PHEX: variants seen among roughly 807,000 people sequenced by gnomAD.
PHEX encodes phosphate-regulating neutral endopeptidase PHEX.
In PHEX, 16 loss-of-function variants were observed where a neutral mutation model predicts 68.0. The ratio of observed to expected loss-of-function variants is 0.24; its 90% CI spans 0.16 to 0.36. The LOEUF is 0.36. Ranked by LOEUF, PHEX falls within the 10% of genes least tolerant of loss-of-function variation. The pLI is 1.00. For synonymous variants in PHEX, 208 were observed against 205.1 expected (o/e 1.01, Z -0.12); for missense variants, 480 against 575.5 (o/e 0.83, Z 1.70).
At chrX:22,226,082 G>A (rs1935484638) in intron 18 of PHEX, among the ~76,000 whole-genome samples, 1 of 112,194 alleles carries the variant, frequency 8.9e-6, no homozygotes, top group African/African-American at 3.2e-5. Flanking sequence ...CTCAAATTAT[G>A]TGAGTTAATC....
intron 9 of PHEX, 30 bp from the exon 10 acceptor site, chrX:22,111,437 C>T (rs1341569422): frequency 3.7e-6 from 4 of 1,085,912 alleles, no homozygotes; most frequent in Admixed American, 2.2e-5. Flanking sequence ...ACCTAAAATA[C>T]AATAAATGGG....
intron 16 of PHEX, among the ~76,000 whole-genome samples, chrX:22,213,381 G>A (rs548669082): frequency 1.1e-4 from 12 of 111,796 alleles, no homozygotes; most frequent in African/African-American, 3.6e-4. Flanking sequence ...AGGAAGTAGT[G>A]GAAAAGAAGA....
At chrX:22,236,819 A>G (rs1281842214) in intron 20 of PHEX, among the ~76,000 whole-genome samples, 2 of 112,429 alleles carry the variant, frequency 1.8e-5, no homozygotes, top group Non-Finnish European at 3.8e-5. Flanking sequence ...TACTATTTAC[A>G]TCCTAGCCCA....
intron 16 of PHEX, among the ~76,000 whole-genome samples, chrX:22,216,800 G>A (rs1384329490): frequency 7.2e-5 from 8 of 111,126 alleles, no homozygotes; most frequent in Admixed American, 9.6e-5. Context: ...GATTACAGGC[G>A]TGAGCCACCA....
At chrX:22,071,458 T>G (rs780548216) in intron 3 of PHEX, among the ~76,000 whole-genome samples, 3 of 111,719 alleles carry the variant, frequency 2.7e-5, no homozygotes, top group African/African-American at 9.7e-5. Context: ...TCTCAGACTT[T>G]CCTTGTCAGG....
intron 15 of PHEX, among the ~76,000 whole-genome samples, chrX:22,204,356 CA>C (rs1934644976): frequency 1.8e-5 from 2 of 112,206 alleles, no homozygotes; most frequent in African/African-American, 6.5e-5. Flanking sequence ...AACTCCCTCT[CA>C]AAACACTTCT....
At chrX:22,083,611 A>G (rs1929490674) in intron 5 of PHEX, among the ~76,000 whole-genome samples, 1 of 111,781 alleles carries the variant, frequency 8.9e-6, no homozygotes, top group South Asian at 3.7e-4. Context: ...GGTGTTTTAT[A>G]TTGTAAATGA....
At chrX:22,243,724 A>T (rs1453772255) in intron 20 of PHEX, among the ~76,000 whole-genome samples, 1 of 112,366 alleles carries the variant, frequency 8.9e-6, no homozygotes, top group Admixed American at 9.4e-5. Context: ...AATCAAAACC[A>T]CTATGAGATA....
chrX:22,085,523 T>G (rs1929589566), intron 5 of PHEX, among the ~76,000 whole-genome samples: 1 of 104,658 alleles, frequency 9.6e-6, no homozygotes, highest in Non-Finnish European at 1.9e-5. Flanking sequence ...TGCAGTGAGC[T>G]GAGATCATGC....
chrX:22,221,834 G>A lies in PHEX; in HGVS notation c.1899+91G>A, dbSNP rs141574844. The A allele has an allele frequency of 4.5e-3, 3,646 of 803,395 alleles. 87 individuals are homozygous for A. The African/African-American group carries it at 0.064, about 14-fold the overall frequency. The allele number at this position is 803,395 out of a possible 1,213,427, so 66.2% of individuals were successfully genotyped here. A position where few individuals can be genotyped will look rare whatever the true frequency, so the allele number is the denominator to read the frequency against. On this transcript the variant is annotated intron_variant, in intron 18 of 21. Coordinates refer to ENST00000379374, the MANE Select transcript of PHEX (RefSeq NM_000444.6). ...GCTTTAAACCATTGGTTCTCAAAGC[G>A]TGTTTACAAGATCAACAGCATCTGT...
At chrX:22,198,728 G>A (rs1008013504) in intron 15 of PHEX, among the ~76,000 whole-genome samples, 13 of 111,646 alleles carry the variant, frequency 1.2e-4, no homozygotes, top group African/African-American at 4.2e-4. Context: ...TGTGGGTCAT[G>A]TCAAAGAACA....
At chrX:22,208,776 C>A (rs1194134383) in intron 15 of PHEX, among the ~76,000 whole-genome samples, 1 of 111,932 alleles carries the variant, frequency 8.9e-6, no homozygotes, top group Non-Finnish European at 1.9e-5. Context: ...TACAGACACA[C>A]ATGTACGGAT....
intron 3 of PHEX, among the ~76,000 whole-genome samples, chrX:22,069,827 G>A (rs1235948011): frequency 9.0e-6 from 1 of 111,667 alleles, no homozygotes; most frequent in Non-Finnish European, 1.9e-5. Context: ...CACACAATTC[G>A]TGTGAAAATA....
chrX:22,127,117 C>A (rs1432821126), intron 11 of PHEX, among the ~76,000 whole-genome samples: 2 of 109,924 alleles, frequency 1.8e-5, no homozygotes, highest in Non-Finnish European at 3.8e-5. Context: ...GGTGATTCGC[C>A]CACCTCGGCC....
At chrX:22,038,644 A>G in intron 2 of PHEX, 107 bp downstream of exon 2, 1 of 594,527 alleles carries the variant, frequency 1.7e-6, no homozygotes, top group South Asian at 2.3e-5. Flanking sequence ...GAGGTTTACC[A>G]AGTACGAAAT....
At chrX:22,119,605 T>C (rs999914987) in intron 11 of PHEX, among the ~76,000 whole-genome samples, 2 of 108,213 alleles carry the variant, frequency 1.8e-5, no homozygotes, top group African/African-American at 6.7e-5. Context: ...TCTTTTTTTT[T>C]TTTTTGAGAC....
At chrX:22,076,815 G>C (rs1486104585) in intron 4 of PHEX, among the ~76,000 whole-genome samples, 1 of 112,216 alleles carries the variant, frequency 8.9e-6, no homozygotes, top group East Asian at 2.8e-4. Context: ...GAGACTGGGA[G>C]GGAGTGCACC....
In PHEX at chrX:22,100,115, C is replaced by T. The variant is rs1273631684; in HGVS notation, c.1079+964C>T. 2.7e-5 allele frequency among the ~76,000 whole-genome samples: 3 copies of T among 111,985 alleles called. No individual in the cohort carries two copies. The Admixed American group carries it at 2.8e-4, about 11-fold the overall frequency. ...AAAATTCTATCATTTAGAGATAAGC[C>T]AGGATTCTTTGAAAATGTTCTAAAT... On this transcript the variant is annotated intron_variant, in intron 9 of 21. Coordinates refer to ENST00000379374, the MANE Select transcript of PHEX (RefSeq NM_000444.6).
rs777514763 is a variant in PHEX at position 22,168,180 on chromosome X, T to G, written c.1405-132T>G. ...ATATATATCTATATATTTTTGCCCT[T>G]CACAGTGGCTTGCATATAGTAGATA... On this transcript the variant is annotated intron_variant, in intron 12 of 21. Coordinates refer to ENST00000379374, the MANE Select transcript of PHEX (RefSeq NM_000444.6). 4 of 536,539 alleles carry G rather than the reference T, an allele frequency of 7.5e-6. No homozygotes were observed. The East Asian group carries it at 1.4e-4, about 19-fold the overall frequency. 44.2% of individuals were successfully genotyped at this position (536,539 alleles called of 1,213,427 possible).
Sources: allele counts gnomAD v4.1 joint callset (sites outside exome capture counted in the v4.1 genomes callset), GRCh38; gene constraint gnomAD v4.1.1; transcripts MANE v1.5; gene names NCBI Gene and HGNC (gene_info 2026-07-23, HGNC 2026-07-21).